EPHA6: variants seen among roughly 807,000 people sequenced by gnomAD.
EPHA6 encodes ephrin type-A receptor 6.
A neutral mutation model predicts 112.0 loss-of-function variants in EPHA6; 50 were observed. The ratio of observed to expected loss-of-function variants is 0.45; its 90% CI spans 0.36 to 0.56. The LOEUF is 0.56. Ranked by LOEUF, EPHA6 falls within the 20% of genes least tolerant of loss-of-function variation. EPHA6 has a pLI of 0.00. For synonymous variants in EPHA6, 529 were observed against 490.7 expected (o/e 1.08, Z -1.03); for missense variants, 1,280 against 1,417.4 (o/e 0.90, Z 1.56).
intron 9 of EPHA6, among the ~76,000 whole-genome samples, chr3:97,480,823 C>T (rs987631187): frequency 2.0e-5 from 3 of 151,896 alleles, no homozygotes; most frequent in East Asian, 1.9e-4. Flanking sequence ...AGCGGAGGGA[C>T]TCCTCACTTC....
chr3:97,644,604 A>T lies in EPHA6; in HGVS notation c.2784+6522A>T, dbSNP rs1244995502. Among the ~76,000 whole-genome samples the T allele has an allele frequency of 3.9e-5, 6 of 152,166 alleles. 1 individual carries two copies. The highest frequency in any genetic ancestry group is 1.3e-4 in the Admixed American group (2 of 15,276). Reference sequence around the variant, plus strand: ...GACACAATAAAAAATGATAAAGGGGATATCACCAACGATCCCACAGAAATA... The same window carrying T: ...GACACAATAAAAAATGATAAAGGGGTTATCACCAACGATCCCACAGAAATA... On this transcript the variant is annotated intron_variant, in intron 14 of 17. Coordinates refer to ENST00000389672, the MANE Select transcript of EPHA6 (RefSeq NM_001080448.3).
intron 3 of EPHA6, among the ~76,000 whole-genome samples, chr3:97,045,721 T>C (rs1366880267): frequency 6.6e-6 from 1 of 152,068 alleles, no homozygotes; most frequent in Non-Finnish European, 1.5e-5. Context: ...AGAGACAACA[T>C]ACTTTGTACG....
At chr3:97,015,187 A>G (rs2044224219) in intron 3 of EPHA6, among the ~76,000 whole-genome samples, 1 of 152,238 alleles carries the variant, frequency 6.6e-6, no homozygotes, top group Non-Finnish European at 1.5e-5. Flanking sequence ...AAGTAACATT[A>G]TACAATAAAG....
At chr3:96,867,240 A>T (rs949135262) in intron 2 of EPHA6, among the ~76,000 whole-genome samples, 23 of 151,830 alleles carry the variant, frequency 1.5e-4, no homozygotes, top group Admixed American at 1.4e-3. Context: ...GTGCATAAAT[A>T]AACTTTAAAC....
chr3:97,012,349 C>T (rs913134345), intron 3 of EPHA6, among the ~76,000 whole-genome samples: 1 of 151,182 alleles, frequency 6.6e-6, no homozygotes, highest in East Asian at 1.9e-4. Context: ...CAGGGTCTGA[C>T]TCTGTCACCC....
In EPHA6 at chr3:96,895,576, C is replaced by A. The variant is rs551441862; in HGVS notation, c.450+28687C>A. Among the ~76,000 whole-genome samples, 150 of 152,268 alleles carry A rather than the reference C, an allele frequency of 9.9e-4. 3 individuals are homozygous for A. The highest frequency in any genetic ancestry group is 9.6e-4 in the Non-Finnish European group (65 of 68,016). On this transcript the variant is annotated intron_variant, in intron 2 of 17. Transcript: ENST00000389672. Reference sequence around the variant, plus strand: ...CTCACCACGCAGTCACTGACTCACTCAGAGCAACTTGCAGCTCTGCAAGCT... The same window carrying A: ...CTCACCACGCAGTCACTGACTCACTAAGAGCAACTTGCAGCTCTGCAAGCT...
chr3:97,698,320 C>G (rs546762857), intron 14 of EPHA6, among the ~76,000 whole-genome samples: 73 of 152,078 alleles, frequency 4.8e-4, no homozygotes, highest in African/African-American at 1.7e-3. Context: ...TTTTCTTCAT[C>G]TACTTACTAA....
At chr3:97,248,969 T>TCTCAC (rs763924250) in intron 5 of EPHA6, among the ~76,000 whole-genome samples, 79 of 152,060 alleles carry the variant, frequency 5.2e-4, no homozygotes, top group Admixed American at 1.8e-3. Context: ...TCTGAACATC[T>TCTCAC]CTCACAGTCC....
chr3:97,077,671 G>T (rs987117515), intron 3 of EPHA6, among the ~76,000 whole-genome samples: 1 of 151,448 alleles, frequency 6.6e-6, no homozygotes, highest in Non-Finnish European at 1.5e-5. Flanking sequence ...GTGATAGTTT[G>T]CTGAGAATGA....
At chr3:96,961,952 G>T (rs2041960424) in intron 2 of EPHA6, among the ~76,000 whole-genome samples, 1 of 152,122 alleles carries the variant, frequency 6.6e-6, no homozygotes, top group Non-Finnish European at 1.5e-5. Context: ...AGTAAAGGGT[G>T]CTTTATTAAG....
chr3:97,020,869 A>T (rs2044433607), intron 3 of EPHA6, among the ~76,000 whole-genome samples: 2 of 152,192 alleles, frequency 1.3e-5, no homozygotes, highest in South Asian at 4.1e-4. Context: ...AGCTTGTGGG[A>T]GTTATTTATA....
At chr3:97,369,565 G>C (rs1319043114) in intron 5 of EPHA6, among the ~76,000 whole-genome samples, 1 of 152,178 alleles carries the variant, frequency 6.6e-6, no homozygotes, top group Non-Finnish European at 1.5e-5. Flanking sequence ...GGGAGCCTCA[G>C]GGATGACTGG....
At chr3:96,824,262 A>G (rs1321952771) in intron 1 of EPHA6, among the ~76,000 whole-genome samples, 1 of 151,794 alleles carries the variant, frequency 6.6e-6, no homozygotes, top group African/African-American at 2.4e-5. Flanking sequence ...TAAAGTTTTA[A>G]TAGGTTTATT....
intron 5 of EPHA6, among the ~76,000 whole-genome samples, chr3:97,321,551 C>T (rs2082120170): frequency 6.6e-6 from 1 of 151,794 alleles, no homozygotes; most frequent in African/African-American, 2.4e-5. Flanking sequence ...TTTCCTTTCC[C>T]CCTACCCTTA....
intron 1 of EPHA6, among the ~76,000 whole-genome samples, chr3:96,820,745 T>C (rs753375952): frequency 6.6e-6 from 1 of 152,024 alleles, no homozygotes; most frequent in Non-Finnish European, 1.5e-5. Flanking sequence ...GTAAACTCAT[T>C]TGGATCAACA....
chr3:97,635,370 G>T (rs557465423), intron 13 of EPHA6, among the ~76,000 whole-genome samples: 270 of 152,056 alleles, frequency 1.8e-3, no homozygotes, highest in African/African-American at 6.2e-3. Context: ...ATATTTTAAG[G>T]TTAATTTTTA....
intron 14 of EPHA6, among the ~76,000 whole-genome samples, chr3:97,666,815 A>G (rs1270135024): frequency 6.6e-6 from 1 of 152,152 alleles, no homozygotes; most frequent in African/African-American, 2.4e-5. Flanking sequence ...AACCAATGAG[A>G]GGTTGTCTTT....
intron 3 of EPHA6, among the ~76,000 whole-genome samples, chr3:97,044,033 C>T (rs181869307): frequency 2.6e-5 from 4 of 152,278 alleles, no homozygotes; most frequent in Non-Finnish European, 5.9e-5. Context: ...AATGTATGGC[C>T]TTTCAGCCAA....
At chr3:97,175,856 A>T (rs1044406419) in intron 3 of EPHA6, among the ~76,000 whole-genome samples, 1 of 151,866 alleles carries the variant, frequency 6.6e-6, no homozygotes, top group Non-Finnish European at 1.5e-5. Flanking sequence ...AAACAAGGAC[A>T]ATTTAATTTC....
Sources: allele counts gnomAD v4.1 joint callset (sites outside exome capture counted in the v4.1 genomes callset), GRCh38; gene constraint gnomAD v4.1.1; transcripts MANE v1.5; gene names NCBI Gene and HGNC (gene_info 2026-07-23, HGNC 2026-07-21).